Variants in GARNL3 observed in about 807,000 individuals in gnomAD.
GARNL3 encodes the protein GTPase activating Rap/RanGAP domain like 3.
GARNL3 carries 63 observed loss-of-function variants against 125.0 expected under a neutral mutation model. The ratio of observed to expected loss-of-function variants is 0.50; its 90% CI spans 0.41 to 0.62. GARNL3 has a LOEUF of 0.62. Ranked by LOEUF, GARNL3 falls within the 20% of genes least tolerant of loss-of-function variation. GARNL3 has a pLI of 0.00. For missense variants in GARNL3, 994 were observed against 1,244.0 expected (o/e 0.80, Z 3.02); for synonymous variants, 439 against 457.5 (o/e 0.96, Z 0.52).
At chr9:127,339,883 C>T (rs1322009665) in intron 13 of GARNL3, 132 bp downstream of exon 13, 2 of 699,694 alleles carry the variant, frequency 2.9e-6, no homozygotes, top group Non-Finnish European at 5.2e-6. Context: ...CTTTGCACAA[C>T]ATGTGTTTAG....
At chr9:127,387,078 CT>C in intron 24 of GARNL3, 114 bp from the exon 25 acceptor site, 1 of 1,139,508 alleles carries the variant, frequency 8.8e-7, no homozygotes, top group Non-Finnish European at 1.3e-6. Context: ...CCGCACTGCA[CT>C]GTATGCTCCA....
At chr9:127,325,934 G>A (rs2065557247) in intron 7 of GARNL3, among the ~76,000 whole-genome samples, 1 of 152,190 alleles carries the variant, frequency 6.6e-6, no homozygotes, top group South Asian at 2.1e-4. Flanking sequence ...AAGGTTTCCT[G>A]TCCTGTTCAA....
rs533105673 is a variant in GARNL3 at position 127,381,690 on chromosome 9, G to A, written c.2162-1748G>A. ...CGGCTCACTGCAAGCTCCGCCTCCC[G>A]GGTTCACACCATTCTCCTGCCTCAG... is the stretch of plus-strand genomic sequence containing the variant. On this transcript the variant is annotated intron_variant, in intron 22 of 27. Transcript: ENST00000373387. 2.2e-4 allele frequency among the ~76,000 whole-genome samples: 33 copies of A among 151,976 alleles called. No homozygotes were observed. In the East Asian group the frequency reaches 2.3e-3, roughly 11 times the overall value.
chr9:127,366,198 AATAAGT>A, intron 22 of GARNL3, among the ~76,000 whole-genome samples: 1 of 152,354 alleles, frequency 6.6e-6, no homozygotes, highest in African/African-American at 2.4e-5. Flanking sequence ...ATCTTTGATT[AATAAGT>A]ATAAGAAAGC....
Position 127,335,309 on chromosome 9 carries a change from A to G in GARNL3, c.849A>G (p.Pro283=), listed in dbSNP as rs369265032. 11 of 1,613,470 alleles carry G rather than the reference A, an allele frequency of 6.8e-6. No homozygotes were observed. Among genetic ancestry groups the G allele is most frequent in the Non-Finnish European group, 8.5e-6 (10 of 1,179,460 alleles). The change falls in exon 10 of 28, where the codon CCA becomes CCG. Residue 283 remains proline, a synonymous_variant. Transcript: ENST00000373387. ...TGTTTCATGTTTCCACCATGTTGCC[A>G]TATTCCAAAGAGAACAAACAGCAGG... ...EIMFHVSTML[P]YSKENKQQVE...
At chr9:127,259,931 G>C (rs1171962337), upstream of GARNL3, among the ~76,000 whole-genome samples, 1 of 152,132 alleles carries the variant, frequency 6.6e-6, no homozygotes, top group Non-Finnish European at 1.5e-5. Context: ...TACTCAAGGG[G>C]CTAAGGTAGG....
In GARNL3 at chr9:127,227,665, T is replaced by C. The variant is rs893697113; in HGVS notation, c.-29+3327T>C. On this transcript the variant is annotated intron_variant, in intron 1 of 10. Coordinates refer to the GARNL3 transcript ENST00000439286. Reference sequence around the variant, plus strand: ...TGGGCATCGCGGCTCACACCTACACTCAATGCATTGGGAGGCTGAGGCACG... The same window carrying C: ...TGGGCATCGCGGCTCACACCTACACCCAATGCATTGGGAGGCTGAGGCACG... 2.7e-5 allele frequency among the ~76,000 whole-genome samples: 4 copies of C among 150,162 alleles called. No homozygotes were observed. The East Asian group carries it at 7.9e-4, about 30-fold the overall frequency.
chr9:127,267,107 G>A (rs1489860420), intron 1 of GARNL3, among the ~76,000 whole-genome samples: 2 of 152,154 alleles, frequency 1.3e-5, no homozygotes, highest in African/African-American at 4.8e-5. Context: ...ACTTTAAGAA[G>A]CTCTGCCTTA....
chr9:127,243,370 G>T (rs1318537846), intron 2 of GARNL3: 5 of 740,414 alleles, frequency 6.8e-6, no homozygotes, highest in Non-Finnish European at 9.9e-6. Context: ...AGGGAGAGAG[G>T]AGTGGATGTT....
At chr9:127,317,384 G>A (rs752628990) in intron 4 of GARNL3, among the ~76,000 whole-genome samples, 9 of 152,180 alleles carry the variant, frequency 5.9e-5, no homozygotes. Context: ...AACATGTGGA[G>A]ACTGTTGTCT....
At chr9:127,305,529 G>A (rs1463924847) in intron 2 of GARNL3, among the ~76,000 whole-genome samples, 4 of 152,050 alleles carry the variant, frequency 2.6e-5, no homozygotes, top group African/African-American at 9.7e-5. Flanking sequence ...ATTCAGTGAA[G>A]AGGAAAGTGA....
intron 2 of GARNL3, among the ~76,000 whole-genome samples, chr9:127,295,135 A>T (rs2064548794): frequency 6.6e-6 from 1 of 152,232 alleles, no homozygotes; most frequent in South Asian, 2.1e-4. Context: ...TATGCAACTC[A>T]TCAAGGAATT....
At chr9:127,247,755 C>T (rs2063328481) in intron 2 of GARNL3, among the ~76,000 whole-genome samples, 1 of 152,126 alleles carries the variant, frequency 6.6e-6, no homozygotes, top group Non-Finnish European at 1.5e-5. Context: ...TCGCCTTAAG[C>T]ATTTATTCTT....
At chr9:127,226,324 G>T (rs915354541) in intron 1 of GARNL3, among the ~76,000 whole-genome samples, 1 of 152,214 alleles carries the variant, frequency 6.6e-6, no homozygotes, top group Non-Finnish European at 1.5e-5. Flanking sequence ...GATGAAGTGC[G>T]GGGCCCTTGA....
chr9:127,284,724 A>G (rs2064198097), intron 1 of GARNL3, among the ~76,000 whole-genome samples: 1 of 151,674 alleles, frequency 6.6e-6, no homozygotes, highest in African/African-American at 2.4e-5. Flanking sequence ...TAATTTTACT[A>G]TTCCTATTTG....
intron 1 of GARNL3, among the ~76,000 whole-genome samples, chr9:127,287,572 C>T (rs1212306818): frequency 6.6e-6 from 1 of 152,232 alleles, no homozygotes; most frequent in Non-Finnish European, 1.5e-5. Flanking sequence ...GCCACCACAG[C>T]CCCCTCTGCT....
chr9:127,342,453 G>T, intron 14 of GARNL3, 119 bp downstream of exon 14: 6 of 687,354 alleles, frequency 8.7e-6, no homozygotes, highest in Non-Finnish European at 1.6e-5. Flanking sequence ...GATCCTTGCT[G>T]TCAGGACTGT....
intron 3 of GARNL3, chr9:127,313,207 T>C: frequency 2.0e-6 from 1 of 504,424 alleles, no homozygotes; most frequent in Admixed American, 3.2e-5. Context: ...TTGGCAGATT[T>C]CTCCAGTCTC....
At chr9:127,276,163 T>G (rs1382497386) in intron 1 of GARNL3, among the ~76,000 whole-genome samples, 1 of 152,000 alleles carries the variant, frequency 6.6e-6, no homozygotes, top group African/African-American at 2.4e-5. Flanking sequence ...AATTGATTGA[T>G]TGATTGTATA....
Sources: allele counts gnomAD v4.1 joint callset (sites outside exome capture counted in the v4.1 genomes callset), GRCh38; gene constraint gnomAD v4.1.1; transcripts MANE v1.5; gene names NCBI Gene and HGNC (gene_info 2026-07-23, HGNC 2026-07-21).